PPARGC1A: variants seen among roughly 807,000 people sequenced by gnomAD.
PPARGC1A encodes PPARG coactivator 1 alpha, also known as peroxisome proliferator-activated receptor gamma coactivator 1-alpha.
In PPARGC1A, 25 loss-of-function variants were observed where a neutral mutation model predicts 88.7. The ratio of observed to expected loss-of-function variants is 0.28; its 90% CI spans 0.21 to 0.39. PPARGC1A has a LOEUF of 0.39. Among genes scored for constraint, PPARGC1A ranks in the 10% least tolerant of loss-of-function variants. PPARGC1A has a pLI of 1.00. For synonymous variants in PPARGC1A, 363 were observed against 355.6 expected (o/e 1.02, Z -0.24); for missense variants, 880 against 968.7 (o/e 0.91, Z 1.22).
intron 12 of PPARGC1A, among the ~76,000 whole-genome samples, chr4:23,801,246 C>T (rs1458994372): frequency 6.6e-6 from 1 of 151,688 alleles, no homozygotes; most frequent in African/African-American, 2.4e-5. Flanking sequence ...ACATACAATA[C>T]CTGCATACAT....
chr4:24,036,967 C>G, the PPARGC1A span, among the ~76,000 whole-genome samples: 1 of 152,122 alleles, frequency 6.6e-6, no homozygotes, highest in Non-Finnish European at 1.5e-5. Flanking sequence ...TGCTAGTTAT[C>G]TACACATTTA....
chr4:24,435,150 A>G, the PPARGC1A span, among the ~76,000 whole-genome samples: 3 of 152,106 alleles, frequency 2.0e-5, no homozygotes, highest in Admixed American at 2.0e-4. Context: ...CCTTCTCTAG[A>G]AATACAGCCC....
Position 23,795,766 on chromosome 4 carries a change from C to G in PPARGC1A, c.*56G>C. On this transcript the variant is annotated 3_prime_UTR_variant, in exon 13 of 13. Transcript: ENST00000264867. ...ACTTGCAATAGTCTTTAGGGAAGGA[C>G]GCGCTGTCCCATGAGGTATTCGCCA... 1 of 1,351,346 alleles carries G rather than the reference C, an allele frequency of 7.4e-7. No homozygotes were observed. Among genetic ancestry groups the G allele is most frequent in the South Asian group, 1.3e-5 (1 of 78,954 alleles). The allele number at this position is 1,351,346 out of a possible 1,614,324, so 83.7% of individuals were successfully genotyped here. A position where few individuals can be genotyped will look rare whatever the true frequency, so the allele number is the denominator to read the frequency against.
the PPARGC1A span, among the ~76,000 whole-genome samples, chr4:24,240,568 C>A: frequency 6.6e-6 from 1 of 152,014 alleles, no homozygotes; most frequent in African/African-American, 2.4e-5. Flanking sequence ...TTAAAATAAC[C>A]CCTGTAGGAG....
the PPARGC1A span, among the ~76,000 whole-genome samples, chr4:24,273,920 A>T: frequency 6.6e-6 from 1 of 150,900 alleles, no homozygotes; most frequent in African/African-American, 2.4e-5. Flanking sequence ...ATGTATTTTT[A>T]GTAGAGATGG....
At chr4:24,401,144 G>A in the PPARGC1A span, among the ~76,000 whole-genome samples, 13 of 144,962 alleles carry the variant, frequency 9.0e-5, no homozygotes, top group Admixed American at 5.8e-4. Flanking sequence ...TCAGCCTCCC[G>A]AGTAGCTGGG....
the PPARGC1A span, among the ~76,000 whole-genome samples, chr4:24,314,545 AT>A: frequency 6.6e-6 from 1 of 152,210 alleles, no homozygotes; most frequent in Non-Finnish European, 1.5e-5. Flanking sequence ...TTGTTTACAA[AT>A]CACCCAGTTT....
the PPARGC1A span, among the ~76,000 whole-genome samples, chr4:24,038,109 C>A: frequency 6.6e-6 from 1 of 152,180 alleles, no homozygotes; most frequent in Non-Finnish European, 1.5e-5. Context: ...CCTCTCAAAC[C>A]AACTTCCCTT....
chr4:23,927,104 G>A, the PPARGC1A span, among the ~76,000 whole-genome samples: 120 of 152,230 alleles, frequency 7.9e-4, no homozygotes, highest in Middle Eastern at 3.4e-3. Context: ...CTAGCCTACC[G>A]TAAATGTGTT....
At chr4:24,161,990 A>C in the PPARGC1A span, among the ~76,000 whole-genome samples, 1 of 151,314 alleles carries the variant, frequency 6.6e-6, no homozygotes, top group African/African-American at 2.4e-5. Context: ...ACACACACAC[A>C]CACACACACA....
the PPARGC1A span, among the ~76,000 whole-genome samples, chr4:23,971,597 G>C: frequency 1.3e-5 from 2 of 152,166 alleles, no homozygotes; most frequent in African/African-American, 4.8e-5. Flanking sequence ...AAAGATGTAG[G>C]CTGGGCGGCT....
At chr4:24,368,680 C>A in the PPARGC1A span, among the ~76,000 whole-genome samples, 1 of 152,204 alleles carries the variant, frequency 6.6e-6, no homozygotes, top group South Asian at 2.1e-4. Context: ...TTTAAGTGGC[C>A]TGTTTCCAAT....
At chr4:24,220,845 C>T in the PPARGC1A span, among the ~76,000 whole-genome samples, 3 of 152,104 alleles carry the variant, frequency 2.0e-5, no homozygotes, top group Non-Finnish European at 2.9e-5. Flanking sequence ...TTTAACAAAC[C>T]TTCACATGTA....
chr4:24,147,496 C>A, the PPARGC1A span, among the ~76,000 whole-genome samples: 1 of 152,160 alleles, frequency 6.6e-6, no homozygotes, highest in Non-Finnish European at 1.5e-5. Context: ...CTGCCCACAG[C>A]CCCTTCTGAA....
chr4:24,409,059 G>A, the PPARGC1A span, among the ~76,000 whole-genome samples: 1,242 of 152,244 alleles, frequency 8.2e-3, 10 homozygotes, highest in Non-Finnish European at 0.01. Context: ...GGCTAACACT[G>A]GGAAGCTGGA....
At chr4:24,146,362 T>C in the PPARGC1A span, among the ~76,000 whole-genome samples, 1 of 152,264 alleles carries the variant, frequency 6.6e-6, no homozygotes, top group East Asian at 1.9e-4. Flanking sequence ...CATGCACATT[T>C]GTGCAAATGT....
At chr4:24,430,672 AG>A in the PPARGC1A span, among the ~76,000 whole-genome samples, 1 of 152,118 alleles carries the variant, frequency 6.6e-6, no homozygotes. Context: ...TTAACTGGGA[AG>A]TGACAAAATC....
chr4:24,159,460 C>T, the PPARGC1A span, among the ~76,000 whole-genome samples: 1 of 152,052 alleles, frequency 6.6e-6, no homozygotes, highest in Non-Finnish European at 1.5e-5. Flanking sequence ...CTGCCTTCCA[C>T]AGCCTCCCAA....
At chr4:24,127,337 G>A in the PPARGC1A span, among the ~76,000 whole-genome samples, 23,287 of 151,866 alleles carry the variant, frequency 0.15, 2,312 homozygotes, top group South Asian at 0.26. Context: ...GGCGGGGGTG[G>A]GGGAACCATA....
Sources: gnomAD v4.1 joint callset for allele counts (sites outside exome capture counted in the v4.1 genomes callset) on GRCh38, gnomAD v4.1.1 for gene constraint, MANE v1.5 for transcripts, NCBI Gene and HGNC (gene_info 2026-07-23, HGNC 2026-07-21) for gene names.